The following DNAH8 variants were observed in gnomAD, a reference collection of about 807,000 sequenced individuals.
The protein encoded by DNAH8 is axonemal beta dynein heavy chain 8.
Under a neutral mutation model 562.1 loss-of-function variants are expected in DNAH8, and 382 were observed. The observed-to-expected ratio is 0.68, with a 90% confidence interval of 0.63 to 0.74. The LOEUF (loss-of-function observed/expected upper bound fraction) is 0.74. Among genes scored for constraint, DNAH8 ranks in the 30% least tolerant of loss-of-function variants. The probability of loss-of-function intolerance (pLI) is 0.00; values close to 1 mark genes in which losing one functional copy is unlikely to be tolerated. For missense variants in DNAH8, 5,203 were observed against 5,620.4 expected (o/e 0.93, Z 2.37); for synonymous variants, 1,881 against 1,919.4 (o/e 0.98, Z 0.52).
chr6:38,998,822 C>T (rs1488459083), intron 88 of DNAH8, among the ~76,000 whole-genome samples: 2 of 152,154 alleles, frequency 1.3e-5, no homozygotes, highest in Non-Finnish European at 2.9e-5. Context: ...TAGAACCAAC[C>T]CTCAAGGAAT....
chr6:38,845,548 A>T (rs758091897), intron 35 of DNAH8, 26 bp from the exon 36 acceptor site: 1 of 1,585,486 alleles, frequency 6.3e-7, no homozygotes, highest in East Asian at 2.2e-5. Flanking sequence ...AAACATCATG[A>T]CATATACTTT....
chr6:38,990,179 C>T lies in DNAH8; in HGVS notation c.13214+7C>T. The T allele has an allele frequency of 1.3e-6, 2 of 1,582,644 alleles. No homozygotes were observed. Among genetic ancestry groups the T allele is most frequent in the Non-Finnish European group, 1.7e-6 (2 of 1,165,054 alleles). ...ACCCTAATGCTGATATCACGTAAGTCCCTGGCATTTTTTAATTTGAAGGGG... is the reference window on the plus strand; with the variant it reads ...ACCCTAATGCTGATATCACGTAAGTTCCTGGCATTTTTTAATTTGAAGGGG... On this transcript the variant is annotated splice_region_variant and intron_variant, in intron 88 of 92. Transcript: ENST00000327475.
rs1334917504 is a variant in DNAH8 at position 38,941,550 on chromosome 6, A to G, written c.12007+2562A>G. On this transcript the variant is annotated intron_variant, in intron 79 of 92. Transcript: ENST00000327475. ...CTTATGGAAGTTGGTTTTTTAAGGC[A>G]GTGTGGTGTGGTACAATGAACACTA... is the stretch of plus-strand genomic sequence containing the variant. Among the ~76,000 whole-genome samples the G allele has an allele frequency of 2.0e-5, 3 of 152,152 alleles. No individual in the cohort carries two copies. The East Asian group carries it at 5.8e-4, about 29-fold the overall frequency.
chr6:38,798,017 G>A (rs1350799869), intron 21 of DNAH8, among the ~76,000 whole-genome samples: 2 of 151,850 alleles, frequency 1.3e-5, no homozygotes. Flanking sequence ...GGCGGAGGTT[G>A]CAGTGAGCCG....
intron 86 of DNAH8, 52 bp downstream of exon 86, chr6:38,982,514 G>A (rs917084699): frequency 1.0e-6 from 1 of 977,616 alleles, no homozygotes; most frequent in South Asian, 1.3e-5. Context: ...CTTAAATCAG[G>A]GTTCTACAGT....
At chr6:38,875,469 A>G (rs1777921344) in intron 52 of DNAH8, 122 bp from the exon 53 acceptor site, 5 of 609,156 alleles carry the variant, frequency 8.2e-6, no homozygotes, top group South Asian at 2.8e-5. Flanking sequence ...TGATCAAGCA[A>G]TAGCTTGAGA....
chr6:38,775,813 A>G lies in DNAH8; in HGVS notation c.1824A>G (p.Glu608=), dbSNP rs768278758. 9 of 1,597,336 alleles carry G rather than the reference A, an allele frequency of 5.6e-6. No homozygotes were observed. The highest frequency in any genetic ancestry group is 5.5e-5 in the South Asian group (5 of 90,690). Residue 608 remains glutamate (E), a synonymous_variant, in exon 13 of 93, where the codon GAA becomes GAG. Coordinates refer to ENST00000327475, the MANE Select transcript of DNAH8 (RefSeq NM_001206927.2). ...CAACCTTGAGTAATTCTACCATAGAAGGAATAGATATTATGGCAATAAAAT... is the reference window on the plus strand; with the variant it reads ...CAACCTTGAGTAATTCTACCATAGAGGGAATAGATATTATGGCAATAAAAT... The part of the protein sequence containing the change: ...TYSTLSNSTI[E]GIDIMAIKFR...
chr6:38,872,582 C>T lies in DNAH8; in HGVS notation c.7037C>T (p.Pro2346Leu). 10 of 1,613,912 alleles carry T rather than the reference C, an allele frequency of 6.2e-6. No individual in the cohort carries two copies. The highest frequency in any genetic ancestry group is 8.5e-6 in the Non-Finnish European group (10 of 1,179,920). The change falls in exon 50 of 93, where the codon CCC (proline) becomes CTC (leucine). Residue 2346 changes from proline (P) to leucine (L), a missense_variant. Pro to Leu is a moderately conservative substitution (Grantham distance 98). This residue lies in a region of DNAH8 where 2,176 missense variants were observed against 2,365.1 expected (regional missense o/e 0.92). Transcript: ENST00000327475. ...CGGCATGGCTTGATGACTCTTGGGCCCAGTGGTTCTGGAAAGACAACCGTT... is the reference window on the plus strand; with the variant it reads ...CGGCATGGCTTGATGACTCTTGGGCTCAGTGGTTCTGGAAAGACAACCGTT... ...LVRHGLMTLG[P>L]SGSGKTTVIT...
intron 53 of DNAH8, among the ~76,000 whole-genome samples, chr6:38,879,108 A>G (rs756811325): frequency 1.4e-4 from 21 of 152,176 alleles, no homozygotes; most frequent in Non-Finnish European, 2.5e-4. Flanking sequence ...CTTCCCACAA[A>G]GAAAAACACC....
At chr6:38,829,197 T>C (rs1041868648) in intron 30 of DNAH8, among the ~76,000 whole-genome samples, 2 of 152,164 alleles carry the variant, frequency 1.3e-5, no homozygotes, top group Non-Finnish European at 2.9e-5. Flanking sequence ...GTCTTTTTAC[T>C]TTTGAGTTGT....
intron 82 of DNAH8, among the ~76,000 whole-genome samples, chr6:38,964,237 CG>C (rs1242692932): frequency 2.1e-3 from 19 of 9,260 alleles, no homozygotes; most frequent in African/African-American, 5.3e-3. Flanking sequence ...GGGTGGTGGC[CG>C]GGCAGAGGGG....
chr6:38,766,757 G>A (rs1401161296), intron 11 of DNAH8, among the ~76,000 whole-genome samples: 1 of 151,952 alleles, frequency 6.6e-6, no homozygotes, highest in Non-Finnish European at 1.5e-5. Flanking sequence ...TAATTAGCTT[G>A]ATTTTGGAAC....
chr6:38,885,846 G>A (rs1778878103), intron 56 of DNAH8, among the ~76,000 whole-genome samples: 1 of 152,162 alleles, frequency 6.6e-6, no homozygotes, highest in Non-Finnish European at 1.5e-5. Context: ...AAGTCTTAGA[G>A]TATACCATTT....
At chr6:38,997,894 A>G (rs535137824) in intron 88 of DNAH8, among the ~76,000 whole-genome samples, 4 of 152,218 alleles carry the variant, frequency 2.6e-5, no homozygotes, top group African/African-American at 7.2e-5. Context: ...AATAGCTGGA[A>G]CTACAGGCAT....
rs148030324 is a variant in DNAH8 at position 38,842,821 on chromosome 6, C to T, written c.4763C>T (p.Thr1588Ile). 1.9e-6 allele frequency: 3 copies of T among 1,613,840 alleles called. No individual in the cohort carries two copies. Among genetic ancestry groups the T allele is most frequent in the Non-Finnish European group, 2.5e-6 (3 of 1,179,876 alleles). The change falls in exon 35 of 93, where the codon ACC (threonine) becomes ATC (isoleucine). Residue 1588 changes from threonine to isoleucine, a missense_variant. Thr to Ile is a moderately conservative substitution (Grantham distance 89). Coordinates refer to ENST00000327475, the MANE Select transcript of DNAH8 (RefSeq NM_001206927.2). Reference protein sequence around the residue: ...HWDRISELTGTPFDVESDSFC... With the variant: ...HWDRISELTGIPFDVESDSFC... ...GATAGAATCTCCGAGTTAACTGGAACCCCATTTGATGTGGAATCTGATTCT... is the reference window on the plus strand; with the variant it reads ...GATAGAATCTCCGAGTTAACTGGAATCCCATTTGATGTGGAATCTGATTCT...
At position 38,880,274 on chromosome 6, in the gene DNAH8, A is replaced by C. The variant is rs142543464; in HGVS notation, c.7859-2636A>C. On this transcript the variant is annotated intron_variant, in intron 53 of 92. Transcript: ENST00000327475. The stretch of plus-strand genomic sequence containing the variant: ...AAACACACAAACAAAAATAGAATCC[A>C]AAAAAAGAATACTTAGGAATAAATT... Among the ~76,000 whole-genome samples, 38 of 152,148 alleles carry C rather than the reference A, an allele frequency of 2.5e-4. No individual in the cohort carries two copies. In the East Asian group the frequency reaches 6.6e-3, roughly 26 times the overall value.
At chr6:38,861,282 T>C (rs1404721392) in intron 43 of DNAH8, among the ~76,000 whole-genome samples, 1 of 152,228 alleles carries the variant, frequency 6.6e-6, no homozygotes, top group African/African-American at 2.4e-5. Context: ...ATCCCTTTTA[T>C]ATGCCCAGTG....
intron 74 of DNAH8, 22 bp from the exon 75 acceptor site, chr6:38,929,489 C>A: frequency 6.3e-7 from 1 of 1,597,560 alleles, no homozygotes; most frequent in Non-Finnish European, 8.5e-7. Context: ...CACAGATAGA[C>A]CAATGAGTTC....
intron 88 of DNAH8, among the ~76,000 whole-genome samples, chr6:39,003,427 T>A (rs1016676233): frequency 7.2e-5 from 11 of 152,238 alleles, no homozygotes; most frequent in Non-Finnish European, 5.9e-5. Context: ...GAAAATGATT[T>A]TTAATATTCT....
Sources: gnomAD v4.1 joint callset for allele counts (sites outside exome capture counted in the v4.1 genomes callset) on GRCh38, gnomAD v4.1.1 for gene constraint, gnomAD v4.1.1 regional missense constraint, MANE v1.5 for transcripts, NCBI Gene and HGNC (gene_info 2026-07-23, HGNC 2026-07-21) for gene names.